PACC1: variants seen among roughly 807,000 people sequenced by gnomAD.
PACC1 encodes proton-activated chloride channel.
A neutral mutation model predicts 39.7 loss-of-function variants in PACC1; 34 were observed. The ratio of observed to expected loss-of-function variants is 0.86; its 90% CI spans 0.65 to 1.14. The LOEUF (loss-of-function observed/expected upper bound fraction) is 1.14. Ranked by LOEUF, PACC1 falls within the 50% of genes most tolerant of loss-of-function variation. The pLI is 0.00. For missense variants in PACC1, 379 were observed against 436.4 expected (o/e 0.87, Z 1.17); for synonymous variants, 127 against 160.6 (o/e 0.79, Z 1.58).
At chr1:212,377,841 T>G (rs1660725797) in intron 5 of PACC1, 135 bp from the exon 6 acceptor site, 1 of 990,772 alleles carries the variant, frequency 1.0e-6, no homozygotes, top group Admixed American at 2.6e-5. Flanking sequence ...CTCCAAATTG[T>G]GATTGCCTCA....
chr1:212,372,887 C>G (rs936862848), intron 7 of PACC1, among the ~76,000 whole-genome samples: 2 of 151,940 alleles, frequency 1.3e-5, no homozygotes, highest in African/African-American at 2.4e-5. Context: ...GGAAAAATAT[C>G]CTATGGTTCA....
At chr1:212,391,016 C>G (rs574859900) in intron 2 of PACC1, among the ~76,000 whole-genome samples, 133 of 152,364 alleles carry the variant, frequency 8.7e-4, no homozygotes, top group Non-Finnish European at 1.6e-3. Flanking sequence ...CCTCTGGGGG[C>G]AGGGCATAGC....
At position 212,377,673 on chromosome 1, in the gene PACC1, C is replaced by G; in HGVS notation, c.672G>C (p.Glu224Asp). ...AGAACTTCCAGCTGGAATAGGCACT[C>G]TCACAGGCCTGCATGAAGCCTACCC... ...PNRVGFMQAC[E>D]SAYSSWKFSG... The change falls in exon 6 of 8, where the codon GAG (glutamate) becomes GAC (aspartate). Residue 224 changes from glutamate to aspartate, a missense_variant. Coordinates refer to ENST00000261455, the MANE Select transcript of PACC1 (RefSeq NM_018252.3). 1 of 1,614,202 alleles carries G rather than the reference C, an allele frequency of 6.2e-7. No homozygotes were observed. The highest frequency in any genetic ancestry group is 8.5e-7 in the Non-Finnish European group (1 of 1,180,026).
intron 7 of PACC1, among the ~76,000 whole-genome samples, chr1:212,370,121 C>T (rs1660390703): frequency 6.6e-6 from 1 of 152,200 alleles, no homozygotes. Context: ...AATCAACAAA[C>T]ATGGGATTTA....
intron 6 of PACC1, among the ~76,000 whole-genome samples, chr1:212,377,335 A>G (rs1256114314): frequency 6.6e-6 from 1 of 152,170 alleles, no homozygotes; most frequent in South Asian, 2.1e-4. Flanking sequence ...TGCCCCACAC[A>G]TGCATTCCGT....
chr1:212,409,485 G>T (rs1289245381), intron 2 of PACC1, among the ~76,000 whole-genome samples: 1 of 152,118 alleles, frequency 6.6e-6, no homozygotes, highest in African/African-American at 2.4e-5. Context: ...AATAAAAAAA[G>T]ATCAGCATGG....
At chr1:212,399,652 C>T (rs149208510) in intron 2 of PACC1, among the ~76,000 whole-genome samples, 2,432 of 152,212 alleles carry the variant, frequency 0.016, 33 homozygotes, top group Non-Finnish European at 0.023. Flanking sequence ...AATCAATCCT[C>T]CCATCTCAGC....
At chr1:212,399,388 T>C (rs1464668163) in intron 2 of PACC1, among the ~76,000 whole-genome samples, 1 of 152,226 alleles carries the variant, frequency 6.6e-6, no homozygotes, top group Non-Finnish European at 1.5e-5. Context: ...TGAGCATTTT[T>C]ACAATTACAG....
At position 212,386,148 on chromosome 1, in the gene PACC1, G is replaced by A. The variant is rs1571651853; in HGVS notation, c.344-723C>T. On this transcript the variant is annotated intron_variant, in intron 3 of 7. Coordinates refer to ENST00000261455, the MANE Select transcript of PACC1 (RefSeq NM_018252.3). This position sits in a 1 kb window ranked among gnomAD's most constrained non-coding sequence, Gnocchi z 5.0. ...AGGAAGCCCCAGAGAGAGGGCACCC[G>A]GACTCTGGCTCTGCCATGTGAGCAG... 1.3e-5 allele frequency among the ~76,000 whole-genome samples: 2 copies of A among 152,218 alleles called. No individual in the cohort carries two copies. Among genetic ancestry groups the A allele is most frequent in the South Asian group, 2.1e-4 (1 of 4,816 alleles).
At chr1:212,393,076 C>T (rs188865037) in intron 2 of PACC1, among the ~76,000 whole-genome samples, 1,811 of 152,044 alleles carry the variant, frequency 0.012, 17 homozygotes, top group Non-Finnish European at 0.018. Context: ...CAGCTCTGCA[C>T]CAAGCAGATC....
chr1:212,377,538 T>G, intron 6 of PACC1, 24 bp downstream of exon 6: 1 of 1,613,232 alleles, frequency 6.2e-7, no homozygotes. Context: ...ACCAGCAGTT[T>G]CAAGCAAACC....
chr1:212,377,531 A>ATTC (rs1479545639), intron 6 of PACC1, 31 bp downstream of exon 6: 2 of 1,612,616 alleles, frequency 1.2e-6, no homozygotes, highest in African/African-American at 2.7e-5. Flanking sequence ...AAAAGTCACC[A>ATTC]GCAGTTTCAA....
At chr1:212,392,316 C>G (rs1338458400) in intron 2 of PACC1, among the ~76,000 whole-genome samples, 2 of 152,114 alleles carry the variant, frequency 1.3e-5, no homozygotes, top group Admixed American at 6.5e-5. Context: ...AATTTTCAAC[C>G]CAGAATTTCA....
chr1:212,381,933 G>A (rs566660488), intron 4 of PACC1, among the ~76,000 whole-genome samples: 1 of 152,364 alleles, frequency 6.6e-6, no homozygotes, highest in Admixed American at 6.5e-5. Context: ...GAGAGAGAAG[G>A]AGGCTTCTCC....
intron 4 of PACC1, among the ~76,000 whole-genome samples, chr1:212,383,238 T>A (rs1660971763): frequency 6.6e-6 from 1 of 152,124 alleles, no homozygotes; most frequent in African/African-American, 2.4e-5. Flanking sequence ...ATTTCAAGGG[T>A]TTTTACACTC....
chr1:212,414,061 G>T, intron 1 of PACC1: 1 of 1,534,970 alleles, frequency 6.5e-7, no homozygotes, highest in East Asian at 2.4e-5. Context: ...CTTGCTTGAA[G>T]GAAGCGCTGG....
chr1:212,405,994 T>A (rs1661896150), intron 2 of PACC1, among the ~76,000 whole-genome samples: 1 of 147,800 alleles, frequency 6.8e-6, no homozygotes, highest in Middle Eastern at 3.8e-3. Context: ...ATTTAAAAAT[T>A]AGCCAGGTAT....
At chr1:212,406,414 G>A (rs1661919642) in intron 2 of PACC1, among the ~76,000 whole-genome samples, 1 of 152,130 alleles carries the variant, frequency 6.6e-6, no homozygotes, top group South Asian at 2.1e-4. Flanking sequence ...TACTCAAGAG[G>A]CTGAGGCATG....
chr1:212,372,606 C>T (rs1427646282), intron 7 of PACC1, among the ~76,000 whole-genome samples: 1 of 152,082 alleles, frequency 6.6e-6, no homozygotes, highest in Non-Finnish European at 1.5e-5. Context: ...CTAAACACTC[C>T]ACCAAAAAAC....
Sources: gnomAD v4.1 joint callset for allele counts (sites outside exome capture counted in the v4.1 genomes callset) on GRCh38, gnomAD v4.1.1 for gene constraint, Gnocchi (gnomAD v3.1) non-coding constraint, MANE v1.5 for transcripts, NCBI Gene and HGNC (gene_info 2026-07-23, HGNC 2026-07-21) for gene names.